The following METTL16 variants were observed in gnomAD, a reference collection of about 807,000 sequenced individuals.
METTL16 encodes methyltransferase 16, RNA N6-adenosine.
Under a neutral mutation model 57.9 loss-of-function variants are expected in METTL16, and 19 were observed. The ratio of observed to expected loss-of-function variants is 0.33; its 90% CI spans 0.23 to 0.48. The LOEUF (loss-of-function observed/expected upper bound fraction) is 0.48, where lower values mean the gene tolerates loss of function less well. Ranked by LOEUF, METTL16 falls within the 20% of genes least tolerant of loss-of-function variation. The probability of loss-of-function intolerance (pLI) is 0.99; values close to 1 mark genes in which losing one functional copy is unlikely to be tolerated. For synonymous variants in METTL16, 246 were observed against 255.6 expected, an observed-to-expected ratio of 0.96 and a Z score of 0.36; for missense variants, 434 against 691.5, an observed-to-expected ratio of 0.63 and a Z score of 4.18.
intron 6 of METTL16, among the ~76,000 whole-genome samples, chr17:2,463,005 T>A (rs1009078910): frequency 3.3e-5 from 5 of 152,172 alleles, no homozygotes; most frequent in Non-Finnish European, 7.3e-5. Context: ...GCGAGACAAA[T>A]AGCTCTTTTT....
intron 2 of METTL16, among the ~76,000 whole-genome samples, chr17:2,490,730 G>T (rs910732192): frequency 1.4e-4 from 22 of 152,120 alleles, no homozygotes; most frequent in African/African-American, 5.1e-4. Flanking sequence ...CAGCTGTAGG[G>T]CTCATCATAA....
At chr17:2,486,192 G>A (rs1251557986) in intron 2 of METTL16, among the ~76,000 whole-genome samples, 1 of 152,012 alleles carries the variant, frequency 6.6e-6, no homozygotes, top group African/African-American at 2.4e-5. Context: ...TATAATTAGA[G>A]TGACCATATA....
At chr17:2,460,352 C>T (rs1001907612) in intron 6 of METTL16, 1 of 152,126 alleles carries the variant, frequency 6.6e-6, no homozygotes, top group Non-Finnish European at 1.5e-5. Flanking sequence ...AATTTACACC[C>T]TTCATTCAAT....
chr17:2,508,428 C>T (rs1415768598), intron 1 of METTL16, among the ~76,000 whole-genome samples: 2 of 151,916 alleles, frequency 1.3e-5, no homozygotes, highest in South Asian at 2.1e-4. Context: ...CAAACTGGTC[C>T]TTCTCATCTT....
chr17:2,503,338 TA>T (rs1470220525), intron 1 of METTL16, among the ~76,000 whole-genome samples: 2 of 145,024 alleles, frequency 1.4e-5, no homozygotes, highest in East Asian at 4.1e-4. Flanking sequence ...AATATGAAAA[TA>T]CGGTATATCC....
At position 2,420,264 on chromosome 17, in the gene METTL16, A is replaced by G. The variant is rs1286848280; in HGVS notation, c.1395T>C (p.Asp465=). 1.2e-6 allele frequency: 2 copies of G among 1,613,582 alleles called. No homozygotes were observed. The highest frequency in any genetic ancestry group is 1.3e-5 in the African/African-American group (1 of 74,802). The change falls in exon 10 of 10, where the codon GAT becomes GAC. Residue 465 remains aspartate (D), a synonymous_variant. Transcript: ENST00000263092. The surrounding 1 kb of genome is among the most constrained non-coding windows in gnomAD (Gnocchi z 5.4). ...CCCCTCCCTTTTCCTCACTCCTTTC[A>G]TCCTCCGTGGGTTCCGGGTTTTCCT... is the stretch of plus-strand genomic sequence containing the variant. The part of the protein sequence containing the change: ...SQEENPEPTE[D]ERSEEKGGVE...
intron 5 of METTL16, among the ~76,000 whole-genome samples, chr17:2,466,582 A>G (rs756048624): frequency 3.9e-5 from 6 of 152,198 alleles, no homozygotes; most frequent in Non-Finnish European, 5.9e-5. Context: ...ACTCCTCGGT[A>G]TCTGAGGAAG....
rs1178979350 is a variant in METTL16, at chr17:2,461,115, G to GGCTGAGACA, written c.728+3084_728+3092dup. Among the ~76,000 whole-genome samples, 51 of 152,258 alleles carry GGCTGAGACA rather than the reference G, an allele frequency of 3.3e-4. 2 individuals carry two copies. The highest frequency in any genetic ancestry group is 1.2e-3 in the African/African-American group (51 of 41,548). Reference sequence around the variant, plus strand: ...CACCTGTAATCCTAACACGTTGGGAGGCTGAGACAGGAGAATCACCTGAGG... The same window carrying GGCTGAGACA: ...CACCTGTAATCCTAACACGTTGGGAGGCTGAGACAGCTGAGACAGGAGAATCACCTGAGG... On this transcript the variant is annotated intron_variant, in intron 6 of 9. Transcript: ENST00000263092.
At chr17:2,509,906 C>T (rs1184544217) in intron 1 of METTL16, among the ~76,000 whole-genome samples, 1 of 141,240 alleles carries the variant, frequency 7.1e-6, no homozygotes, top group East Asian at 2.0e-4. Flanking sequence ...AGCAACACTC[C>T]GTCTCAAAAA....
chr17:2,477,189 A>T (rs2067274685), intron 3 of METTL16, among the ~76,000 whole-genome samples: 1 of 152,134 alleles, frequency 6.6e-6, no homozygotes, highest in African/African-American at 2.4e-5. Context: ...AAAAATTTTT[A>T]AATTAAAAAA....
chr17:2,430,130 T>C (rs1265707389), intron 8 of METTL16, among the ~76,000 whole-genome samples: 1 of 151,774 alleles, frequency 6.6e-6, no homozygotes, highest in East Asian at 1.9e-4. Flanking sequence ...TTTTTCTTTT[T>C]AAGACAAAGT....
In METTL16 at chr17:2,504,094, T is replaced by C. The variant is rs190640311; in HGVS notation, c.1-1763A>G. Among the ~76,000 whole-genome samples, 5 of 152,290 alleles carry C rather than the reference T, an allele frequency of 3.3e-5. No homozygotes were observed. In the East Asian group the frequency reaches 9.6e-4, roughly 29 times the overall value. ...ACATGGAAGAACCCTGAAAACACCA[T>C]GCTAAGGGAAATAAACCACACACAA... is the stretch of plus-strand genomic sequence containing the variant. On this transcript the variant is annotated intron_variant, in intron 1 of 9. Transcript: ENST00000263092.
chr17:2,487,088 A>G (rs1433461591), intron 2 of METTL16, among the ~76,000 whole-genome samples: 1 of 151,582 alleles, frequency 6.6e-6, no homozygotes, highest in African/African-American at 2.4e-5. Context: ...AATTAGAGAT[A>G]TTTTGGAGAG....
chr17:2,508,227 C>T (rs886993455), intron 1 of METTL16, among the ~76,000 whole-genome samples: 5 of 152,066 alleles, frequency 3.3e-5, no homozygotes, highest in Admixed American at 6.5e-5. Context: ...AGTCATAAAT[C>T]TGTCAATGCT....
chr17:2,482,837 G>A (rs1460839022), intron 2 of METTL16, among the ~76,000 whole-genome samples: 1 of 152,184 alleles, frequency 6.6e-6, no homozygotes, highest in Non-Finnish European at 1.5e-5. Flanking sequence ...CTTGAGCCCA[G>A]GAGATCAAGG....
At chr17:2,483,155 CA>C (rs1232026646) in intron 2 of METTL16, among the ~76,000 whole-genome samples, 2 of 151,874 alleles carry the variant, frequency 1.3e-5, no homozygotes, top group Non-Finnish European at 2.9e-5. Flanking sequence ...CTGTTTTAAA[CA>C]AAAACTACGG....
intron 6 of METTL16, among the ~76,000 whole-genome samples, chr17:2,456,932 C>T (rs1006764019): frequency 7.3e-5 from 11 of 149,940 alleles, no homozygotes; most frequent in Admixed American, 3.3e-4. Flanking sequence ...GGATTACAGG[C>T]GCATGCACCC....
chr17:2,458,429 G>A (rs995859990), intron 6 of METTL16, among the ~76,000 whole-genome samples: 3 of 102,922 alleles, frequency 2.9e-5, no homozygotes, highest in Admixed American at 2.5e-4. Context: ...AAAAATTCAG[G>A]GCCAGGGTGT....
At chr17:2,465,906 G>A (rs903773231) in intron 5 of METTL16, among the ~76,000 whole-genome samples, 2 of 151,220 alleles carry the variant, frequency 1.3e-5, no homozygotes, top group African/African-American at 2.4e-5. Context: ...CAAATAAGAA[G>A]TGTTGACCGG....
Sources: allele counts gnomAD v4.1 joint callset (sites outside exome capture counted in the v4.1 genomes callset), GRCh38; gene constraint gnomAD v4.1.1; non-coding constraint Gnocchi (gnomAD v3.1); transcripts MANE v1.5; gene names NCBI Gene and HGNC (gene_info 2026-07-23, HGNC 2026-07-21).